ATRN: variants seen among roughly 807,000 people sequenced by gnomAD.
ATRN encodes attractin-2.
A neutral mutation model predicts 178.7 loss-of-function variants in ATRN; 54 were observed. The ratio of observed to expected loss-of-function variants is 0.30; its 90% confidence interval spans 0.24 to 0.38. The LOEUF (loss-of-function observed/expected upper bound fraction) is 0.38. ATRN is among the 10% of genes least tolerant of loss of function. ATRN has a pLI of 1.00. For missense variants in ATRN, 1,443 were observed against 1,815.1 expected (o/e 0.79, Z 3.73); for synonymous variants, 636 against 663.0 (o/e 0.96, Z 0.63).
intron 1 of ATRN, among the ~76,000 whole-genome samples, chr20:3,485,134 A>G (rs2084672978): frequency 6.6e-6 from 1 of 152,018 alleles, no homozygotes; most frequent in Admixed American, 6.5e-5. Context: ...CATCATGGTG[A>G]TGGCAGAAGT....
At chr20:3,594,376 T>C (rs924006197) in intron 19 of ATRN, 103 bp from the exon 20 acceptor site, 2 of 807,750 alleles carry the variant, frequency 2.5e-6, no homozygotes, top group Non-Finnish European at 3.8e-6. Context: ...CTGTCTTTCC[T>C]ACTGAACTCA....
chr20:3,480,081 T>A (rs938990545), intron 1 of ATRN, among the ~76,000 whole-genome samples: 2 of 152,138 alleles, frequency 1.3e-5, no homozygotes, highest in Admixed American at 1.3e-4. Context: ...ACATAACTTG[T>A]GAGGGGTGTA....
chr20:3,518,141 G>A (rs528615942), intron 1 of ATRN, among the ~76,000 whole-genome samples: 2 of 152,278 alleles, frequency 1.3e-5, no homozygotes, highest in South Asian at 4.2e-4. Context: ...TTTTTGTGTT[G>A]TGGGAATGAC....
At position 3,547,381 on chromosome 20, in the gene ATRN, G is replaced by A. The variant is rs1297074327; in HGVS notation, c.835G>A (p.Gly279Ser). The A allele has an allele frequency of 6.2e-7, 1 of 1,613,712 alleles. No homozygotes were observed. The highest frequency in any genetic ancestry group is 1.3e-5 in the African/African-American group (1 of 74,908). ...ATGTGAATGTTCTGAAAACTGGAAA[G>A]GTGAAGCATGTGACATTCCTCACTG... is the stretch of plus-strand genomic sequence containing the variant. ...VECECSENWKGEACDIPHCTD... is the reference protein window; with the variant it reads ...VECECSENWKSEACDIPHCTD... The change falls in exon 5 of 29, where the codon GGT (glycine) becomes AGT (serine). Residue 279 changes from glycine (G) to serine (S), a missense_variant. This residue lies in a region of ATRN where 862 missense variants were observed against 972.1 expected (regional missense o/e 0.89). Transcript: ENST00000262919.
At chr20:3,583,685 G>A (rs930533306) in intron 16 of ATRN, among the ~76,000 whole-genome samples, 5 of 152,050 alleles carry the variant, frequency 3.3e-5, no homozygotes, top group African/African-American at 1.2e-4. Context: ...GCGCACCCCT[G>A]TAGTCCCAGC....
intron 1 of ATRN, among the ~76,000 whole-genome samples, chr20:3,486,869 C>A (rs2084701916): frequency 6.6e-6 from 1 of 152,118 alleles, no homozygotes; most frequent in Admixed American, 6.5e-5. Context: ...GTTATCATTT[C>A]TGGGAAATTC....
intron 1 of ATRN, among the ~76,000 whole-genome samples, chr20:3,523,111 C>T (rs990191178): frequency 6.6e-6 from 1 of 151,816 alleles, no homozygotes; most frequent in African/African-American, 2.4e-5. Flanking sequence ...TAATAACAAA[C>T]TCCTCCAAGC....
chr20:3,500,775 A>G (rs995607723), intron 1 of ATRN, among the ~76,000 whole-genome samples: 1 of 151,892 alleles, frequency 6.6e-6, no homozygotes, highest in African/African-American at 2.4e-5. Flanking sequence ...AGCATGGCAC[A>G]TGTATACATA....
chr20:3,650,560 C>G lies in ATRN; in HGVS notation c.*3713C>G, dbSNP rs531194169. ...TTTACCCCATTGACCAAACTTGGCT[C>G]CAGCCATTGCGGTGGTTTCTAGATA... On this transcript the variant is annotated 3_prime_UTR_variant, in exon 29 of 29. Coordinates refer to ENST00000262919, the MANE Select transcript of ATRN (RefSeq NM_139321.3). 3 of 152,352 alleles carry G rather than the reference C, an allele frequency of 2.0e-5. No homozygotes were observed. Among genetic ancestry groups the G allele is most frequent in the South Asian group, 2.1e-4 (1 of 4,824 alleles). The allele number at this position is 152,352 out of a possible 1,614,324, so 9.4% of individuals were successfully genotyped here.
chr20:3,544,826 G>GTTTT (rs11481668), intron 3 of ATRN, among the ~76,000 whole-genome samples: 1 of 138,638 alleles, frequency 7.2e-6, no homozygotes, highest in Non-Finnish European at 1.6e-5. Context: ...ACTCAGTAAG[G>GTTTT]TTTTTTTTTT....
At chr20:3,525,420 CA>C (rs1267664199) in intron 1 of ATRN, among the ~76,000 whole-genome samples, 1 of 151,628 alleles carries the variant, frequency 6.6e-6, no homozygotes. Context: ...GCCTATCAAC[CA>C]AAAAAAAGCC....
Position 3,547,274 on chromosome 20 carries a change from A to G in ATRN, c.738-10A>G, listed in dbSNP as rs1317862097. ...TTGTGTTAATGTAATTTTCCCTGCT[A>G]TTTTTACAGTTTTGATATGTGTCCA... On this transcript the variant is annotated splice_polypyrimidine_tract_variant and intron_variant, in intron 4 of 28. Transcript: ENST00000262919. 4 of 1,607,256 alleles carry G rather than the reference A, an allele frequency of 2.5e-6. No individual in the cohort carries two copies. Among genetic ancestry groups the G allele is most frequent in the East Asian group, 2.2e-5 (1 of 44,848 alleles).
chr20:3,601,049 C>T (rs775305418), intron 23 of ATRN, 25 bp downstream of exon 23: 1 of 1,564,214 alleles, frequency 6.4e-7, no homozygotes, highest in South Asian at 1.1e-5. Flanking sequence ...AGAGAAGACC[C>T]CGCAAATGAA....
intron 26 of ATRN, among the ~76,000 whole-genome samples, chr20:3,636,816 G>T (rs1258611341): frequency 6.6e-6 from 1 of 152,162 alleles, no homozygotes; most frequent in African/African-American, 2.4e-5. Flanking sequence ...TTATCTTCGT[G>T]TAATCCTACA....
At chr20:3,532,803 C>T (rs973703540) in intron 1 of ATRN, among the ~76,000 whole-genome samples, 2 of 151,932 alleles carry the variant, frequency 1.3e-5, no homozygotes, top group Non-Finnish European at 2.9e-5. Flanking sequence ...CACTCTGTCG[C>T]CCAGGCTGGA....
At chr20:3,564,003 A>C (rs983457977) in intron 10 of ATRN, among the ~76,000 whole-genome samples, 1 of 152,192 alleles carries the variant, frequency 6.6e-6, no homozygotes, top group Admixed American at 6.5e-5. Context: ...GTAAGACTGA[A>C]GCTGTATACC....
intron 25 of ATRN, chr20:3,628,875 C>T (rs1319276695): frequency 1.0e-6 from 1 of 984,792 alleles, no homozygotes; most frequent in African/African-American, 1.7e-5. Flanking sequence ...TTCTATTCAG[C>T]CTCTCACTGT....
At position 3,488,045 on chromosome 20, in the gene ATRN, G is replaced by T. The variant is rs545301693; in HGVS notation, c.410+16528G>T. Reference sequence around the variant, plus strand: ...AGATGATATGCTCTTGGATCATGGGGATTGACAGCCTCTCACAGGACACTA... The same window carrying T: ...AGATGATATGCTCTTGGATCATGGGTATTGACAGCCTCTCACAGGACACTA... On this transcript the variant is annotated intron_variant, in intron 1 of 28. Transcript: ENST00000262919. 3.3e-5 allele frequency among the ~76,000 whole-genome samples: 5 copies of T among 152,250 alleles called. No homozygotes were observed. In the South Asian group the frequency reaches 1.0e-3, roughly 32 times the overall value.
rs147998021 is a variant in ATRN at position 3,632,487 on chromosome 20, G to A, written c.3864-1824G>A. Among the ~76,000 whole-genome samples, 270 of 152,218 alleles carry A rather than the reference G, an allele frequency of 1.8e-3. No homozygotes were observed. The highest frequency in any genetic ancestry group is 6.2e-3 in the African/African-American group (258 of 41,540). On this transcript the variant is annotated intron_variant, in intron 25 of 28. Transcript: ENST00000262919. This position sits in a 1 kb window ranked among gnomAD's most constrained non-coding sequence, Gnocchi z 4.2. ...GGCTCCCCAAGCCATCCCAGGCACGGCCTTGCCTCGGGCTTTGCACTGACT... is the reference window on the plus strand; with the variant it reads ...GGCTCCCCAAGCCATCCCAGGCACGACCTTGCCTCGGGCTTTGCACTGACT...
Sources: gnomAD v4.1 joint callset for allele counts (sites outside exome capture counted in the v4.1 genomes callset) on GRCh38, gnomAD v4.1.1 for gene constraint, gnomAD v4.1.1 regional missense constraint, Gnocchi (gnomAD v3.1) non-coding constraint, MANE v1.5 for transcripts, NCBI Gene and HGNC (gene_info 2026-07-23, HGNC 2026-07-21) for gene names.